The following RIMS2 variants were observed in gnomAD, a reference collection of about 807,000 sequenced individuals.
RIMS2 encodes regulating synaptic membrane exocytosis protein 2.
In RIMS2, 59 loss-of-function variants were observed where a neutral mutation model predicts 174.4. That is an observed-to-expected ratio of 0.34 (90% CI 0.27 to 0.42). The LOEUF is 0.42. Ranked by LOEUF, RIMS2 falls within the 10% of genes least tolerant of loss-of-function variation. The pLI is 1.00. For missense variants in RIMS2, 1,620 were observed against 1,666.3 expected, an observed-to-expected ratio of 0.97 and a Z score of 0.48; for synonymous variants, 606 against 572.5, an observed-to-expected ratio of 1.06 and a Z score of -0.84.
chr8:103,749,463 A>G (rs1229345052), intron 2 of RIMS2, among the ~76,000 whole-genome samples: 3 of 152,054 alleles, frequency 2.0e-5, no homozygotes, highest in Non-Finnish European at 4.4e-5. Flanking sequence ...TTTTTAAACT[A>G]TTATTTTACT....
chr8:103,585,290 G>T (rs944402291), intron 1 of RIMS2, among the ~76,000 whole-genome samples: 1 of 152,174 alleles, frequency 6.6e-6, no homozygotes, highest in Admixed American at 6.5e-5. Context: ...CACTGTTGGT[G>T]GGAGTGTAAA....
intron 3 of RIMS2, among the ~76,000 whole-genome samples, chr8:103,789,717 A>T (rs549211548): frequency 6.6e-6 from 1 of 151,560 alleles, no homozygotes; most frequent in East Asian, 1.9e-4. Context: ...ACCAATGCAT[A>T]AAAATAAACA....
intron 2 of RIMS2, among the ~76,000 whole-genome samples, chr8:103,759,323 TG>T (rs1412947944): frequency 6.6e-6 from 1 of 151,916 alleles, no homozygotes; most frequent in East Asian, 1.9e-4. Context: ...CCCAGCACTT[TG>T]GGAGGCCGAG....
At chr8:104,082,290 A>G (rs2097435703) in intron 19 of RIMS2, among the ~76,000 whole-genome samples, 1 of 152,160 alleles carries the variant, frequency 6.6e-6, no homozygotes, top group African/African-American at 2.4e-5. Context: ...TATCCTTTCA[A>G]TCCAAGAGTT....
At chr8:103,567,390 C>T (rs181830169) in intron 1 of RIMS2, among the ~76,000 whole-genome samples, 1 of 152,288 alleles carries the variant, frequency 6.6e-6, no homozygotes, top group Admixed American at 6.5e-5. Flanking sequence ...TGTCTGTTCT[C>T]ATTACTTTAT....
At chr8:103,907,406 A>G (rs1203508718) in intron 4 of RIMS2, among the ~76,000 whole-genome samples, 4 of 152,106 alleles carry the variant, frequency 2.6e-5, no homozygotes, top group African/African-American at 9.7e-5. Flanking sequence ...TCCAATGCAT[A>G]TTTTTCACCT....
chr8:104,071,056 C>T (rs2097187284), intron 19 of RIMS2, among the ~76,000 whole-genome samples: 1 of 152,098 alleles, frequency 6.6e-6, no homozygotes, highest in South Asian at 2.1e-4. Flanking sequence ...ATTTACATTG[C>T]TCATACAATA....
intron 1 of RIMS2, among the ~76,000 whole-genome samples, chr8:103,661,900 G>A (rs2096605934): frequency 6.6e-6 from 1 of 152,086 alleles, no homozygotes; most frequent in African/African-American, 2.4e-5. Flanking sequence ...GATATGATTT[G>A]TTCTAAAATA....
intron 1 of RIMS2, among the ~76,000 whole-genome samples, chr8:103,581,898 G>T (rs755698467): frequency 6.6e-6 from 1 of 152,172 alleles, no homozygotes; most frequent in Non-Finnish European, 1.5e-5. Context: ...GAACTAGGCC[G>T]AGAGACAGTG....
chr8:104,149,350 T>G (rs750933769), intron 19 of RIMS2, among the ~76,000 whole-genome samples: 1 of 152,236 alleles, frequency 6.6e-6, no homozygotes, highest in Non-Finnish European at 1.5e-5. Flanking sequence ...TCACTGCAAT[T>G]TTTATTTCCC....
chr8:103,975,218 T>A lies in RIMS2; in HGVS notation c.2771-132T>A, dbSNP rs10098633. 2,294 of 525,254 alleles carry A rather than the reference T, an allele frequency of 4.4e-3. 43 individuals carry two copies. The highest frequency in any genetic ancestry group is 0.04 in the African/African-American group (2,064 of 52,012). The allele number at this position is 525,254 out of a possible 1,614,324, so 32.5% of individuals were successfully genotyped here. A position where few individuals can be genotyped will look rare whatever the true frequency, so the allele number is the denominator to read the frequency against. On this transcript the variant is annotated intron_variant, in intron 15 of 23. Coordinates refer to ENST00000504942, the Ensembl canonical transcript of RIMS2. The stretch of plus-strand genomic sequence containing the variant: ...ATTTTGTCTTAATATCATGGTTTAT[T>A]CACTATACTTTATATTTAATATATT...
At chr8:103,589,436 T>A (rs2094139362) in intron 1 of RIMS2, among the ~76,000 whole-genome samples, 1 of 151,632 alleles carries the variant, frequency 6.6e-6, no homozygotes, top group African/African-American at 2.4e-5. Flanking sequence ...TAAGAAATGC[T>A]GACGAGGATA....
intron 16 of RIMS2, among the ~76,000 whole-genome samples, chr8:103,985,929 G>A (rs1241455198): frequency 1.3e-5 from 2 of 152,130 alleles, no homozygotes; most frequent in Non-Finnish European, 2.9e-5. Context: ...AGTTTCTGAA[G>A]CAGAGAAAAG....
intron 3 of RIMS2, among the ~76,000 whole-genome samples, chr8:103,786,648 A>G (rs1426210942): frequency 7.9e-5 from 12 of 151,966 alleles, no homozygotes; most frequent in Admixed American, 7.2e-4. Flanking sequence ...GTTTGTTATA[A>G]TTTCTGTTCT....
chr8:104,127,658 ATTGT>A (rs768845862), intron 19 of RIMS2, among the ~76,000 whole-genome samples: 1 of 152,134 alleles, frequency 6.6e-6, no homozygotes, highest in Non-Finnish European at 1.5e-5. Flanking sequence ...TCCTCATTGG[ATTGT>A]TTGAGGATTA....
chr8:103,851,911 A>G (rs2099000687), intron 3 of RIMS2, among the ~76,000 whole-genome samples: 1 of 151,714 alleles, frequency 6.6e-6, no homozygotes, highest in Admixed American at 6.6e-5. Flanking sequence ...CCTGTAAAGA[A>G]CAAAAAAAAA....
chr8:103,802,261 C>T (rs149787436), intron 3 of RIMS2, among the ~76,000 whole-genome samples: 66 of 152,196 alleles, frequency 4.3e-4, no homozygotes, highest in African/African-American at 1.3e-3. Flanking sequence ...AATTGTAAGG[C>T]GTTCTTAACT....
At chr8:104,076,942 G>A (rs2097305520) in intron 19 of RIMS2, among the ~76,000 whole-genome samples, 1 of 151,216 alleles carries the variant, frequency 6.6e-6, no homozygotes, top group South Asian at 2.1e-4. Context: ...TCAGCCTCCC[G>A]AGTAACTGGG....
rs143592760 is a variant in RIMS2, at chr8:103,875,158, T to C, written c.699-10140T>C. ...TAGCTTTAGGGGTACAAGTGGTTTT[T>C]GGTGACATGGATGAATTGTGTAGTA... On this transcript the variant is annotated intron_variant, in intron 3 of 23. Transcript: ENST00000504942. Among the ~76,000 whole-genome samples the C allele has an allele frequency of 3.3e-3, 504 of 152,106 alleles. 2 individuals carry two copies. The highest frequency in any genetic ancestry group is 0.012 in the African/African-American group (478 of 41,536).
Sources: gnomAD v4.1 joint callset for allele counts (sites outside exome capture counted in the v4.1 genomes callset) on GRCh38, gnomAD v4.1.1 for gene constraint, MANE v1.5 for transcripts, NCBI Gene and HGNC (gene_info 2026-07-23, HGNC 2026-07-21) for gene names.